The following CCDC194 variants were observed in gnomAD, a reference collection of about 807,000 sequenced individuals.
The protein encoded by CCDC194 is coiled-coil domain containing 194.
CCDC194 carries 8 observed loss-of-function variants against 4.9 expected under a neutral mutation model. The observed-to-expected ratio is 1.65, with a 90% CI of 0.97 to 2.97. The LOEUF (loss-of-function observed/expected upper bound fraction) is 2.97. Ranked by LOEUF, CCDC194 falls within the 30% of genes most tolerant of loss-of-function variation. CCDC194 has a pLI of 0.00. For synonymous variants in CCDC194, 13 were observed against 17.0 expected (o/e 0.76, Z 0.58); for missense variants, 52 against 43.1 (o/e 1.21, Z -0.58).
intron 1 of CCDC194, among the ~76,000 whole-genome samples, chr19:17,392,919 T>A (rs928608464): frequency 1.3e-5 from 2 of 152,112 alleles, no homozygotes; most frequent in African/African-American, 4.8e-5. Flanking sequence ...TGACCTCAAC[T>A]GATACACTCG....
At chr19:17,394,014 G>A (rs2074665022) in exon 1 of CCDC194, 2 of 390,788 alleles carry the variant, frequency 5.1e-6, no homozygotes, top group Non-Finnish European at 9.0e-6. Context: ...CCTGGCTCCG[G>A]GCAGCGAGGT....
downstream of CCDC194, among the ~76,000 whole-genome samples, chr19:17,388,769 T>C (rs78278779): frequency 0.041 from 6,217 of 151,808 alleles, 321 homozygotes; most frequent in African/African-American, 0.12. Flanking sequence ...TCCCAAAGTA[T>C]TGGGCTTACA....
downstream of CCDC194, among the ~76,000 whole-genome samples, chr19:17,387,749 AG>A (rs1376927691): frequency 6.6e-6 from 1 of 152,098 alleles, no homozygotes; most frequent in Non-Finnish European, 1.5e-5. Context: ...AAAGAAAGAA[AG>A]TACACAACTT....
chr19:17,393,406 T>TCC (rs2074662292), intron 1 of CCDC194, among the ~76,000 whole-genome samples: 1 of 90,408 alleles, frequency 1.1e-5, no homozygotes, highest in African/African-American at 3.7e-5. Context: ...TTTTTTTTTT[T>TCC]CAGATGGAGT....
At chr19:17,388,078 G>C (rs964518647), downstream of CCDC194, among the ~76,000 whole-genome samples, 8 of 151,562 alleles carry the variant, frequency 5.3e-5, no homozygotes, top group African/African-American at 7.3e-5. Context: ...AATAGAGAAA[G>C]GGTTTCACCG....
Position 17,391,354 on chromosome 19 carries a change from A to C in CCDC194, c.422-11T>G, listed in dbSNP as rs1304769175. On this transcript the variant is annotated splice_polypyrimidine_tract_variant and intron_variant, in intron 2 of 3. Transcript: ENST00000636079. Reference sequence around the variant, plus strand: ...AGCGCGCCAGGGCCTCTGGGGGCGCAGGGAGCCGGGTCAGGCTGGAGACTC... The same window carrying C: ...AGCGCGCCAGGGCCTCTGGGGGCGCCGGGAGCCGGGTCAGGCTGGAGACTC... The C allele has an allele frequency of 1.6e-5, 7 of 447,868 alleles. No individual in the cohort carries two copies. The highest frequency in any genetic ancestry group is 2.7e-5 in the Non-Finnish European group (7 of 256,538). The allele number at this position is 447,868 out of a possible 1,614,324, so 27.7% of individuals were successfully genotyped here. A position where few individuals can be genotyped will look rare whatever the true frequency, so the allele number is the denominator to read the frequency against.
chr19:17,388,465 T>C (rs2145735491), downstream of CCDC194, among the ~76,000 whole-genome samples: 1 of 152,128 alleles, frequency 6.6e-6, no homozygotes. Flanking sequence ...CCTAGCACGA[T>C]CTTGGCTCAC....
chr19:17,393,376 CTTTTTTTT>C (rs551933814), intron 1 of CCDC194, among the ~76,000 whole-genome samples: 17 of 115,424 alleles, frequency 1.5e-4, no homozygotes, highest in East Asian at 5.7e-4. Context: ...GACAGTGAGA[CTTTTTTTT>C]TTTTTTTTTT....
intron 1 of CCDC194, 83 bp from the exon 2 acceptor site, chr19:17,391,929 G>A: frequency 8.0e-7 from 1 of 1,257,110 alleles, no homozygotes; most frequent in Non-Finnish European, 1.1e-6. Flanking sequence ...GGGACAGTGA[G>A]AAGCCACCTG....
chr19:17,392,455 A>C (rs1235026253), intron 1 of CCDC194, among the ~76,000 whole-genome samples: 2 of 152,182 alleles, frequency 1.3e-5, no homozygotes, highest in African/African-American at 4.8e-5. Flanking sequence ...CCTGGACAAA[A>C]GAGCATGACT....
chr19:17,388,805 A>T (rs1162890651), downstream of CCDC194, among the ~76,000 whole-genome samples: 1 of 150,908 alleles, frequency 6.6e-6, no homozygotes, highest in Non-Finnish European at 1.5e-5. Flanking sequence ...GCCCAGCATG[A>T]TTTTCTTAAT....
intron 2 of CCDC194, 81 bp from the exon 3 acceptor site, chr19:17,391,424 C>G: frequency 2.0e-6 from 1 of 510,492 alleles, no homozygotes; most frequent in Non-Finnish European, 3.4e-6. Flanking sequence ...AGTTGATAGT[C>G]TGCATGCCGT....
downstream of CCDC194, among the ~76,000 whole-genome samples, chr19:17,389,672 G>C (rs182598267): frequency 1.3e-5 from 2 of 152,222 alleles, no homozygotes; most frequent in Admixed American, 1.3e-4. Context: ...TGCAGTGTAG[G>C]TTAAAAACAT....
downstream of CCDC194, among the ~76,000 whole-genome samples, chr19:17,389,777 C>T (rs1376012878): frequency 6.6e-6 from 1 of 152,096 alleles, no homozygotes; most frequent in East Asian, 1.9e-4. Context: ...CCAGCCTGGC[C>T]AACATGGTGT....
rs1446997672 is a variant in CCDC194 at position 17,391,888 on chromosome 19, AGAG to A, written c.325-45_325-43del. 12 of 1,455,148 alleles carry A rather than the reference AGAG, an allele frequency of 8.2e-6. No individual in the cohort carries two copies. In the East Asian group the frequency reaches 3.0e-4, roughly 37 times the overall value. The allele number at this position is 1,455,148 out of a possible 1,614,324, so 90.1% of individuals were successfully genotyped here. On this transcript the variant is annotated intron_variant, in intron 1 of 3. Coordinates refer to ENST00000636079, the Ensembl canonical transcript of CCDC194. ...AAGTGGGAGGGGGTGTAGGCAGAGG[AGAG>A]GAGGAGTGATTCGGCCTGGCCCTTT...
chr19:17,391,628 GTT>G, intron 2 of CCDC194, 120 bp downstream of exon 2: 3 of 1,529,250 alleles, frequency 2.0e-6, no homozygotes, highest in Non-Finnish European at 2.6e-6. Context: ...CTTTTCATAA[GTT>G]TTTGCGTTTA....
intron 3 of CCDC194, 117 bp downstream of exon 3, chr19:17,391,094 C>T (rs990907646): frequency 1.8e-5 from 7 of 379,076 alleles, no homozygotes; most frequent in African/African-American, 1.1e-4. Context: ...ATGCCCCCCC[C>T]CCACCACAAT....
chr19:17,392,929 G>T (rs1323692031), intron 1 of CCDC194, among the ~76,000 whole-genome samples: 1 of 152,050 alleles, frequency 6.6e-6, no homozygotes, highest in Non-Finnish European at 1.5e-5. Flanking sequence ...TGATACACTC[G>T]CCCTGGCTTC....
chr19:17,390,490 C>G (rs923355399), downstream of CCDC194: 1 of 392,794 alleles, frequency 2.5e-6, no homozygotes, highest in African/African-American at 2.1e-5. The surrounding 1 kb of genome is among the most constrained non-coding windows in gnomAD (Gnocchi z 5.5). Context: ...CCGACGCCCC[C>G]TTCCGGCAGG....
Sources: gnomAD v4.1 joint callset for allele counts (sites outside exome capture counted in the v4.1 genomes callset) on GRCh38, gnomAD v4.1.1 for gene constraint, Gnocchi (gnomAD v3.1) non-coding constraint, MANE v1.5 for transcripts, NCBI Gene and HGNC (gene_info 2026-07-23, HGNC 2026-07-21) for gene names.